The following PKD1L3 variants were observed in gnomAD, a reference collection of about 807,000 sequenced individuals.
The protein encoded by PKD1L3 is polycystin 1 like 3, transient receptor potential channel interacting.
A neutral mutation model predicts 184.1 loss-of-function variants in PKD1L3; 239 were observed. The ratio of observed to expected loss-of-function variants is 1.30; its 90% confidence interval spans 1.17 to 1.45. PKD1L3 has a LOEUF of 1.45. Among genes scored for constraint, PKD1L3 ranks in the 40% most tolerant of loss-of-function variants. PKD1L3 has a pLI of 0.00. For missense variants in PKD1L3, 2,660 were observed against 2,067.2 expected (o/e 1.29, Z -5.56); for synonymous variants, 996 against 778.8 (o/e 1.28, Z -4.64).
Position 71,951,735 on chromosome 16 carries a change from C to A in PKD1L3, c.3019G>T (p.Glu1007Ter), listed in dbSNP as rs148529920. 2 of 1,549,306 alleles carry A rather than the reference C, an allele frequency of 1.3e-6. No individual in the cohort carries two copies. The highest frequency in any genetic ancestry group is 1.4e-5 in the African/African-American group (1 of 73,004). ...SATMVVEELKETVRFLLRRNT... is the reference protein window; with the variant it reads ...SATMVVEELK ...CTCCTGAGCAGGAATCTCACAGTTT[C>A]CTTTAATTCCTGAATGTAGGACCAG... is the stretch of plus-strand genomic sequence containing the variant. The change falls in exon 19 of 30, where the codon GAA becomes TAA. Residue 1007 changes from glutamate (E) to a stop codon, truncating the protein, a stop_gained. Coordinates refer to ENST00000620267, the MANE Select transcript of PKD1L3 (RefSeq NM_181536.2). LOFTEE classifies it high-confidence loss of function.
chr16:71,967,413 G>A, intron 14 of PKD1L3, 98 bp from the exon 15 acceptor site: 1 of 1,184,746 alleles, frequency 8.4e-7, no homozygotes, highest in Non-Finnish European at 1.2e-6. Context: ...AAACTATTTA[G>A]ATCAAGTCTT....
chr16:71,984,154 A>G lies in PKD1L3; in HGVS notation c.848T>C (p.Ile283Thr), dbSNP rs763420166. ...AACTGCTCTGCTGAAGTTCCCTGCT[A>G]TCTCATCTATGACCTATTGGGAACA... is the stretch of plus-strand genomic sequence containing the variant. ...QKASGQVIDE[I>T]AGNFSRAVHG... Residue 283 changes from isoleucine to threonine, a missense_variant, in exon 6 of 30, where the codon ATA becomes ACA. Coordinates refer to ENST00000620267, the MANE Select transcript of PKD1L3 (RefSeq NM_181536.2). The G allele has an allele frequency of 3.2e-6, 5 of 1,551,466 alleles. No homozygotes were observed. The South Asian group carries it at 4.8e-5, about 15-fold the overall frequency.
chr16:71,985,650 G>C (rs1230035428), intron 5 of PKD1L3, among the ~76,000 whole-genome samples: 1 of 152,122 alleles, frequency 6.6e-6, no homozygotes, highest in Non-Finnish European at 1.5e-5. Context: ...GCCTAAGCTG[G>C]TCTCAAACTC....
intron 6 of PKD1L3, among the ~76,000 whole-genome samples, chr16:71,982,804 G>A (rs2040212688): frequency 6.6e-6 from 1 of 151,976 alleles, no homozygotes; most frequent in African/African-American, 2.4e-5. Flanking sequence ...GTATTGCCCA[G>A]GCTGGTCTCA....
chr16:71,998,440 G>T, intron 1 of PKD1L3, 46 bp from the exon 2 acceptor site: 2 of 1,518,506 alleles, frequency 1.3e-6, no homozygotes, highest in Non-Finnish European at 8.8e-7. Context: ...CGAAAGCCAG[G>T]CTTTTAGGTT....
At chr16:71,955,493 G>GT in intron 16 of PKD1L3, among the ~76,000 whole-genome samples, 1 of 151,918 alleles carries the variant, frequency 6.6e-6, no homozygotes, top group East Asian at 2.0e-4. Context: ...ATATCATTTA[G>GT]TTTTTTGTTT....
intron 16 of PKD1L3, among the ~76,000 whole-genome samples, chr16:71,962,136 C>G (rs1367891110): frequency 6.6e-6 from 1 of 152,150 alleles, no homozygotes; most frequent in Non-Finnish European, 1.5e-5. Flanking sequence ...GTTGGCCAGG[C>G]TGGTCTCAAA....
intron 25 of PKD1L3, among the ~76,000 whole-genome samples, chr16:71,936,589 G>A (rs1259308756): frequency 6.9e-6 from 1 of 144,260 alleles, no homozygotes; most frequent in Non-Finnish European, 1.5e-5. Context: ...GCGCGATCTC[G>A]GCTCACTGCA....
At chr16:71,989,755 A>C (rs910392043) in intron 4 of PKD1L3, among the ~76,000 whole-genome samples, 1 of 152,236 alleles carries the variant, frequency 6.6e-6, no homozygotes, top group African/African-American at 2.4e-5. Context: ...TAATTACATC[A>C]GCATGAAAGC....
intron 24 of PKD1L3, among the ~76,000 whole-genome samples, chr16:71,938,698 C>T (rs2038262268): frequency 6.6e-6 from 1 of 152,202 alleles, no homozygotes; most frequent in Non-Finnish European, 1.5e-5. Flanking sequence ...GACCTGCCTG[C>T]AGATAGGAGC....
intron 22 of PKD1L3, among the ~76,000 whole-genome samples, chr16:71,945,749 C>A (rs1276179912): frequency 6.6e-6 from 1 of 151,864 alleles, no homozygotes; most frequent in Non-Finnish European, 1.5e-5. Flanking sequence ...GTTCCAAGCA[C>A]CATGGGATCA....
chr16:71,949,831 T>A lies in PKD1L3; in HGVS notation c.3570A>T (p.Ser1190=). Residue 1190 remains serine (S), a synonymous_variant, in exon 21 of 30, where the codon TCA becomes TCT. Transcript: ENST00000620267. ...SKDQATSWMI[S]IILSVLQNIF... is the part of the protein sequence containing the mutation. ...TGTTCTGAAGCACTGATAAAATAATTGAAATCATCCAGCTGGTGGCTTGGT... is the reference window on the plus strand; with the variant it reads ...TGTTCTGAAGCACTGATAAAATAATAGAAATCATCCAGCTGGTGGCTTGGT... 6.4e-7 allele frequency: 1 copy of A among 1,551,402 alleles called. No homozygotes were observed. The highest frequency in any genetic ancestry group is 8.7e-7 in the Non-Finnish European group (1 of 1,146,946).
intron 7 of PKD1L3, among the ~76,000 whole-genome samples, chr16:71,981,058 T>A (rs980729511): frequency 6.6e-6 from 1 of 152,236 alleles, no homozygotes; most frequent in Non-Finnish European, 1.5e-5. Context: ...CAGGACTTCA[T>A]TCCTTTTTGT....
At chr16:71,941,026 A>C (rs2038341688) in intron 24 of PKD1L3, among the ~76,000 whole-genome samples, 1 of 150,742 alleles carries the variant, frequency 6.6e-6, no homozygotes, top group South Asian at 2.1e-4. Context: ...GGTAGAGACG[A>C]GGTTTCACAC....
chr16:71,937,828 C>T (rs1356815921), intron 24 of PKD1L3, among the ~76,000 whole-genome samples: 1 of 152,204 alleles, frequency 6.6e-6, no homozygotes, highest in African/African-American at 2.4e-5. Flanking sequence ...GCTTCAGCCT[C>T]CACCTGGAAG....
intron 2 of PKD1L3, among the ~76,000 whole-genome samples, chr16:71,994,646 C>G (rs1190489864): frequency 2.0e-5 from 3 of 152,160 alleles, no homozygotes; most frequent in Admixed American, 2.0e-4. Context: ...ATTGTCCAAA[C>G]TTATCAGCTC....
At position 71,979,537 on chromosome 16, in the gene PKD1L3, A is replaced by C. The variant is rs546597038; in HGVS notation, c.1398+249T>G. Among the ~76,000 whole-genome samples the C allele has an allele frequency of 1.1e-3, 173 of 152,332 alleles. 1 individual carries two copies. In the South Asian group the frequency reaches 0.035, roughly 31 times the overall value. ...AACAAAAAACAAACTGCAGAGTTGA[A>C]ATCAATTCAAATTACAACACAAATT... is the stretch of plus-strand genomic sequence containing the variant. On this transcript the variant is annotated intron_variant, in intron 9 of 29. Coordinates refer to ENST00000620267, the MANE Select transcript of PKD1L3 (RefSeq NM_181536.2).
At chr16:71,975,076 G>C (rs1304590686) in intron 11 of PKD1L3, among the ~76,000 whole-genome samples, 1 of 152,048 alleles carries the variant, frequency 6.6e-6, no homozygotes, top group Non-Finnish European at 1.5e-5. Flanking sequence ...ATTTTTTAGA[G>C]ACAGTGTCTT....
intron 11 of PKD1L3, among the ~76,000 whole-genome samples, chr16:71,975,489 AAT>A: frequency 6.6e-6 from 1 of 152,338 alleles, no homozygotes; most frequent in East Asian, 1.9e-4. Flanking sequence ...TAAGATTAGA[AAT>A]AAAGTTGAAA....
Sources: gnomAD v4.1 joint callset for allele counts (sites outside exome capture counted in the v4.1 genomes callset) on GRCh38, gnomAD v4.1.1 for gene constraint, MANE v1.5 for transcripts, NCBI Gene and HGNC (gene_info 2026-07-23, HGNC 2026-07-21) for gene names.